Variants in MSI2 observed in about 807,000 individuals in gnomAD.
MSI2 encodes RNA-binding protein Musashi homolog 2.
MSI2 carries 17 observed loss-of-function variants against 45.6 expected under a neutral mutation model. The ratio of observed to expected loss-of-function variants is 0.37; its 90% CI spans 0.26 to 0.56. The LOEUF is 0.56. Among genes scored for constraint, MSI2 ranks in the 20% least tolerant of loss-of-function variants. MSI2 has a pLI of 0.77. For missense variants in MSI2, 293 were observed against 444.2 expected, an observed-to-expected ratio of 0.66 and a Z score of 3.06; for synonymous variants, 156 against 158.2, an observed-to-expected ratio of 0.99 and a Z score of 0.11.
intron 12 of MSI2, among the ~76,000 whole-genome samples, chr17:57,675,554 T>A (rs1037557063): frequency 2.0e-5 from 3 of 152,210 alleles, no homozygotes; most frequent in Non-Finnish European, 4.4e-5. Context: ...CCCCGCTTTC[T>A]GGACACTGTC....
At chr17:57,317,506 CTTTTTTTTTT>C (rs921448429) in intron 5 of MSI2, among the ~76,000 whole-genome samples, 2 of 94,576 alleles carry the variant, frequency 2.1e-5, no homozygotes, top group African/African-American at 4.6e-5. Context: ...TATAGTTTTG[CTTTTTTTTTT>C]TTTTTTTTTT....
intron 5 of MSI2, among the ~76,000 whole-genome samples, chr17:57,352,085 A>C (rs2143846760): frequency 6.6e-6 from 1 of 152,342 alleles, no homozygotes; most frequent in East Asian, 1.9e-4. Context: ...TATAAGTCGC[A>C]GGAAAGTCGG....
rs554697016 is a variant in MSI2, at chr17:57,472,301, G to C, written c.406-57375G>C. 2.6e-5 allele frequency among the ~76,000 whole-genome samples: 4 copies of C among 152,312 alleles called. No individual in the cohort carries two copies. In the East Asian group the frequency reaches 7.7e-4, roughly 29 times the overall value. ...CACACCTATGCTCAGTCCAGGGACC[G>C]GCCTCCTTGTGGCAGGGGGCAGGGC... On this transcript the variant is annotated intron_variant, in intron 6 of 13. Transcript: ENST00000284073.
intron 1 of MSI2, 87 bp from the exon 2 acceptor site, chr17:57,257,001 TCGCTCCCCCC>T: frequency 2.7e-6 from 4 of 1,493,764 alleles, no homozygotes; most frequent in Non-Finnish European, 3.6e-6. Context: ...TCTCGCTCGC[TCGCTCCCCCC>T]CGCTTTCCTT....
intron 6 of MSI2, among the ~76,000 whole-genome samples, chr17:57,428,585 A>T (rs982410040): frequency 6.6e-6 from 1 of 152,094 alleles, no homozygotes; most frequent in Admixed American, 6.6e-5. Context: ...TCTTTTTTTA[A>T]AAGTCCTAAT....
rs144236310 is a variant in MSI2, at chr17:57,419,146, G to A, written c.405+17675G>A. ...TAGTTAAGTGTTTCTCTGAAAATTC[G>A]TCATTTCTGTCCTAGGAACTTTAAA... On this transcript the variant is annotated intron_variant, in intron 6 of 13. Transcript: ENST00000284073. Among the ~76,000 whole-genome samples, 127 of 149,984 alleles carry A rather than the reference G, an allele frequency of 8.5e-4. No homozygotes were observed. The East Asian group carries it at 0.015, about 18-fold the overall frequency.
chr17:57,586,552 G>A (rs910215460), intron 7 of MSI2, among the ~76,000 whole-genome samples: 2 of 152,050 alleles, frequency 1.3e-5, no homozygotes, highest in Non-Finnish European at 2.9e-5. Flanking sequence ...ATTCTAAAGT[G>A]GAACTTAATT....
chr17:57,588,486 C>T (rs997897150), intron 7 of MSI2, among the ~76,000 whole-genome samples: 4 of 152,152 alleles, frequency 2.6e-5, no homozygotes, highest in East Asian at 1.9e-4. Context: ...TGGAAAGGTT[C>T]GGAGAAGTCA....
In MSI2 at chr17:57,631,783, C is replaced by T. The variant is rs373604931; in HGVS notation, c.727+4480C>T. On this transcript the variant is annotated intron_variant, in intron 10 of 13. Transcript: ENST00000284073. Reference sequence around the variant, plus strand: ...TCTGTTAATTTCTGTTCTTATTTCACTTTGCAGACTATTTGCCGGTTTCAC... The same window carrying T: ...TCTGTTAATTTCTGTTCTTATTTCATTTTGCAGACTATTTGCCGGTTTCAC... 1.4e-4 allele frequency: 222 copies of T among 1,610,306 alleles called. No homozygotes were observed. The African/African-American group carries it at 2.9e-3, about 21-fold the overall frequency.
chr17:57,640,580 C>A (rs1397167383), intron 10 of MSI2, among the ~76,000 whole-genome samples: 1 of 152,152 alleles, frequency 6.6e-6, no homozygotes, highest in East Asian at 1.9e-4. Context: ...TCACTGCAGC[C>A]CTAGGAGGAG....
chr17:57,512,968 C>CTTTTTTTTTTTTTTTTT lies in MSI2; in HGVS notation c.406-16707_406-16691dup, dbSNP rs34727727. ...ATATTGCACATGAATTAGCTTCTTC[C>CTTTTTTTTTTTTTTTTT]TTTTTTTTTTTTTTTTTCCTTCTGA... On this transcript the variant is annotated intron_variant, in intron 6 of 13. Transcript: ENST00000284073. 6.1e-5 allele frequency among the ~76,000 whole-genome samples: 7 copies of CTTTTTTTTTTTTTTTTT among 114,736 alleles called. 1 individual carries two copies. Among genetic ancestry groups the CTTTTTTTTTTTTTTTTT allele is most frequent in the Non-Finnish European group, 5.0e-5 (3 of 59,482 alleles). 75.3% of individuals were successfully genotyped at this position (114,736 alleles called of 152,430 possible). A position where few individuals can be genotyped will look rare whatever the true frequency, so the allele number is the denominator to read the frequency against.
intron 11 of MSI2, among the ~76,000 whole-genome samples, chr17:57,667,736 C>T (rs1253330114): frequency 6.6e-6 from 1 of 152,192 alleles, no homozygotes; most frequent in Non-Finnish European, 1.5e-5. Flanking sequence ...GGCCACAGCC[C>T]ATTCAAGGCT....
At chr17:57,524,017 C>T (rs1245512134) in intron 6 of MSI2, among the ~76,000 whole-genome samples, 1 of 152,192 alleles carries the variant, frequency 6.6e-6, no homozygotes, top group Admixed American at 6.5e-5. Context: ...TCTGCTGATC[C>T]TGGCTGGCCT....
chr17:57,257,838 G>GTTTTTTTTTTTTTTTTT (rs200658768), intron 3 of MSI2, among the ~76,000 whole-genome samples: 1 of 148,184 alleles, frequency 6.7e-6, no homozygotes, highest in Non-Finnish European at 1.5e-5. Flanking sequence ...CTTTCGCATA[G>GTTTTTTTTTTTTTTTTT]TTTTTTTTTT....
chr17:57,614,114 G>A (rs572604315), intron 8 of MSI2, among the ~76,000 whole-genome samples: 2 of 152,030 alleles, frequency 1.3e-5, no homozygotes, highest in Admixed American at 6.5e-5. Flanking sequence ...ACAGTGGTGC[G>A]ATCTCGGCTC....
intron 5 of MSI2, among the ~76,000 whole-genome samples, chr17:57,394,098 G>A (rs2083845585): frequency 6.6e-6 from 1 of 152,244 alleles, no homozygotes; most frequent in East Asian, 1.9e-4. Context: ...CCACCAGGAA[G>A]ATCTGGCTTG....
intron 6 of MSI2, among the ~76,000 whole-genome samples, chr17:57,475,909 C>A (rs1424301638): frequency 6.6e-6 from 1 of 152,204 alleles, no homozygotes; most frequent in Non-Finnish European, 1.5e-5. Flanking sequence ...CGTCCTCCCC[C>A]AGAAATCCTT....
intron 7 of MSI2, among the ~76,000 whole-genome samples, chr17:57,531,253 C>T (rs912217579): frequency 6.6e-6 from 1 of 152,210 alleles, no homozygotes; most frequent in South Asian, 2.1e-4. Flanking sequence ...AATCACTTAA[C>T]TTCTTTATGC....
At chr17:57,399,880 G>A (rs186249443) in intron 5 of MSI2, among the ~76,000 whole-genome samples, 1 of 152,208 alleles carries the variant, frequency 6.6e-6, no homozygotes, top group African/African-American at 2.4e-5. Flanking sequence ...AGCACAGCCT[G>A]CCAGTAACCA....
Sources: gnomAD v4.1 joint callset for allele counts (sites outside exome capture counted in the v4.1 genomes callset) on GRCh38, gnomAD v4.1.1 for gene constraint, MANE v1.5 for transcripts, NCBI Gene and HGNC (gene_info 2026-07-23, HGNC 2026-07-21) for gene names.